PCDHGA11: variants seen among roughly 807,000 people sequenced by gnomAD.
The protein encoded by PCDHGA11 is protocadherin gamma-A11.
Under a neutral mutation model 60.4 loss-of-function variants are expected in PCDHGA11, and 39 were observed. The ratio of observed to expected loss-of-function variants is 0.65; its 90% CI spans 0.50 to 0.84. The LOEUF (loss-of-function observed/expected upper bound fraction) is 0.84, where lower values mean the gene tolerates loss of function less well. PCDHGA11 is among the 40% of genes least tolerant of loss of function. The probability of loss-of-function intolerance (pLI) is 0.00; values close to 1 mark genes in which losing one functional copy is unlikely to be tolerated. For synonymous variants in PCDHGA11, 533 were observed against 510.3 expected (o/e 1.04, Z -0.60); for missense variants, 1,165 against 1,197.7 (o/e 0.97, Z 0.40).
At position 141,491,623 on chromosome 5, in the gene PCDHGA11, G is replaced by A. The variant is rs767724749; in HGVS notation, c.2434-3184G>A. The A allele has an allele frequency of 3.7e-6, 6 of 1,613,812 alleles. No homozygotes were observed. The highest frequency in any genetic ancestry group is 2.7e-5 in the African/African-American group (2 of 74,938). On this transcript the variant is annotated intron_variant, in intron 1 of 3. Transcript: ENST00000398587. This position sits in a 1 kb window ranked among gnomAD's most constrained non-coding sequence, Gnocchi z 6.9. ...CTTCACTTTTCTAAGACCCCTCAGC[G>A]TTCAGCAGCCCACAGCTCTGGCGCT...
intron 1 of PCDHGA11, among the ~76,000 whole-genome samples, chr5:141,479,935 A>C (rs1226362422): frequency 1.3e-5 from 2 of 152,232 alleles, no homozygotes. Context: ...CATCATTGCT[A>C]TCAACTCTTG....
At position 141,503,992 on chromosome 5, in the gene PCDHGA11, A is replaced by G. The variant is rs1419698681; in HGVS notation, c.2493-1401A>G. 2.6e-5 allele frequency among the ~76,000 whole-genome samples: 4 copies of G among 152,116 alleles called. No homozygotes were observed. In the East Asian group the frequency reaches 7.7e-4, roughly 29 times the overall value. ...GGTGCCAAACCCTTCTTCTTACCTTACAGTCACTTAACTGTCTCTGCTGGT... is the reference window on the plus strand; with the variant it reads ...GGTGCCAAACCCTTCTTCTTACCTTGCAGTCACTTAACTGTCTCTGCTGGT... On this transcript the variant is annotated intron_variant, in intron 2 of 3. Transcript: ENST00000398587.
In PCDHGA11 at chr5:141,422,749, A is replaced by G. The variant is rs202046219; in HGVS notation, c.1522A>G (p.Ile508Val). Reference sequence around the variant, plus strand: ...GGTGCCTCTGTCCTCCTATGTCTCTATTAACTCCAACACTGGTGTTCTCTA... The same window carrying G: ...GGTGCCTCTGTCCTCCTATGTCTCTGTTAACTCCAACACTGGTGTTCTCTA... The part of the protein sequence containing the change: ...QGVPLSSYVS[I>V]NSNTGVLYAL... Residue 508 changes from isoleucine (I) to valine (V), a missense_variant, in exon 1 of 4, where the codon ATT (isoleucine) becomes GTT (valine). Coordinates refer to ENST00000398587, the MANE Select transcript of PCDHGA11 (RefSeq NM_018914.3). 269 of 1,611,644 alleles carry G rather than the reference A, an allele frequency of 1.7e-4. 1 individual carries two copies. The African/African-American group carries it at 3.3e-3, about 20-fold the overall frequency.
Position 141,491,019 on chromosome 5 carries a change from A to G in PCDHGA11, c.2434-3788A>G. 5 of 1,614,116 alleles carry G rather than the reference A, an allele frequency of 3.1e-6. No individual in the cohort carries two copies. The highest frequency in any genetic ancestry group is 4.2e-6 in the Non-Finnish European group (5 of 1,180,026). ...CTGGCTCCTTGGTCACCAAGGTGAC[A>G]GCCGTGGATGCTGATGCAGGCCACA... On this transcript the variant is annotated intron_variant, in intron 1 of 3. Coordinates refer to ENST00000398587, the MANE Select transcript of PCDHGA11 (RefSeq NM_018914.3). This position sits in a 1 kb window ranked among gnomAD's most constrained non-coding sequence, Gnocchi z 6.9.
Position 141,510,964 on chromosome 5 carries a change from T to C in PCDHGA11, c.2599T>C (p.Ser867Pro), listed in dbSNP as rs1237904575. 6.2e-7 allele frequency: 1 copy of C among 1,614,084 alleles called. No individual in the cohort carries two copies. Among genetic ancestry groups the C allele is most frequent in the South Asian group, 1.1e-5 (1 of 91,082 alleles). The change falls in exon 4 of 4, where the codon TCC becomes CCC. Residue 867 changes from serine to proline, a missense_variant. Coordinates refer to ENST00000398587, the MANE Select transcript of PCDHGA11 (RefSeq NM_018914.3). ...CTCTGCAGAAGCTGCTGATGGGAGC[T>C]CCACCCTGGGAGGGGGTGCCGGCAC... is the stretch of plus-strand genomic sequence containing the variant. The part of the protein sequence containing the change: ...ASASEAADGS[S>P]TLGGGAGTMG...
chr5:141,427,611 G>A (rs747386422), intron 1 of PCDHGA11: 22 of 691,570 alleles, frequency 3.2e-5, no homozygotes, highest in Non-Finnish European at 5.5e-5. Context: ...CATTGGTGAA[G>A]TCAACGACAA....
At chr5:141,497,354 A>G (rs1430368474) in intron 2 of PCDHGA11, among the ~76,000 whole-genome samples, 1 of 152,054 alleles carries the variant, frequency 6.6e-6, no homozygotes, top group Non-Finnish European at 1.5e-5. Flanking sequence ...AGCCCCACCA[A>G]CTGCCTCTCA....
In PCDHGA11 at chr5:141,489,461, A is replaced by G. The variant is rs1329676538; in HGVS notation, c.2434-5346A>G. 5.0e-6 allele frequency: 8 copies of G among 1,613,832 alleles called. No homozygotes were observed. The highest frequency in any genetic ancestry group is 6.8e-6 in the Non-Finnish European group (8 of 1,179,986). On this transcript the variant is annotated intron_variant, in intron 1 of 3. Transcript: ENST00000398587. This position sits in a 1 kb window ranked among gnomAD's most constrained non-coding sequence, Gnocchi z 4.5. ...TTGGGCTCTGAGGAGAATGGGCGCT[A>G]TTTTTCCCTGAGCTTGATGAGTGGT...
intron 1 of PCDHGA11, among the ~76,000 whole-genome samples, chr5:141,449,929 T>C (rs2098659723): frequency 6.6e-6 from 1 of 151,912 alleles, no homozygotes; most frequent in Non-Finnish European, 1.5e-5. Context: ...TACCATACCT[T>C]ATAGTATATT....
rs188953728 is a variant in PCDHGA11, at chr5:141,448,550, T to A, written c.2433+24890T>A. Among the ~76,000 whole-genome samples, 304 of 152,316 alleles carry A rather than the reference T, an allele frequency of 2.0e-3. 1 individual carries two copies. Among genetic ancestry groups the A allele is most frequent in the African/African-American group, 6.6e-3 (275 of 41,578 alleles). On this transcript the variant is annotated intron_variant, in intron 1 of 3. Transcript: ENST00000398587. ...CCTGTCAGCATTTCTTATGCAAATA[T>A]GTACATATATTTTTATTTCCCCATT...
At position 141,486,368 on chromosome 5, in the gene PCDHGA11, T is replaced by C. The variant is rs1217513529; in HGVS notation, c.2434-8439T>C. 6.2e-7 allele frequency: 1 copy of C among 1,614,014 alleles called. No homozygotes were observed. Among genetic ancestry groups the C allele is most frequent in the Non-Finnish European group, 8.5e-7 (1 of 1,180,000 alleles). On this transcript the variant is annotated intron_variant, in intron 1 of 3. Coordinates refer to ENST00000398587, the MANE Select transcript of PCDHGA11 (RefSeq NM_018914.3). This position sits in a 1 kb window ranked among gnomAD's most constrained non-coding sequence, Gnocchi z 5.0. ...TGACCACTTGCCATTTGCCCTCAAGTCTGCCTTCAGGAACCAGTTCTCCCT... is the reference window on the plus strand; with the variant it reads ...TGACCACTTGCCATTTGCCCTCAAGCCTGCCTTCAGGAACCAGTTCTCCCT...
At chr5:141,446,128 G>T (rs1242643475) in intron 1 of PCDHGA11, among the ~76,000 whole-genome samples, 1 of 152,188 alleles carries the variant, frequency 6.6e-6, no homozygotes, top group Admixed American at 6.5e-5. Context: ...GGTTCAATAA[G>T]ACTTAATAAT....
chr5:141,476,825 G>A lies in PCDHGA11; in HGVS notation c.2434-17982G>A. ...GCCTATTCACATCAAGGTGCTGGACGCGAATGACAATGCGCCTGTCTTCAA... is the reference window on the plus strand; with the variant it reads ...GCCTATTCACATCAAGGTGCTGGACACGAATGACAATGCGCCTGTCTTCAA... On this transcript the variant is annotated intron_variant, in intron 1 of 3. Transcript: ENST00000398587. The surrounding 1 kb of genome is among the most constrained non-coding windows in gnomAD (Gnocchi z 7.6). 6.2e-7 allele frequency: 1 copy of A among 1,613,554 alleles called. No individual in the cohort carries two copies. Among genetic ancestry groups the A allele is most frequent in the East Asian group, 2.2e-5 (1 of 44,870 alleles).
At chr5:141,508,267 C>G (rs993402135) in intron 3 of PCDHGA11, 5 of 152,336 alleles carry the variant, frequency 3.3e-5, no homozygotes, top group African/African-American at 9.6e-5. Context: ...AAGAGAAAAT[C>G]CCGGTCCTTG....
chr5:141,507,478 C>T (rs933478897), intron 3 of PCDHGA11, among the ~76,000 whole-genome samples: 5 of 152,158 alleles, frequency 3.3e-5, no homozygotes, highest in African/African-American at 1.2e-4. Flanking sequence ...GGACTGCTGG[C>T]CTCCTGAGGC....
chr5:141,436,902 G>A (rs2097852984), intron 1 of PCDHGA11, among the ~76,000 whole-genome samples: 1 of 152,210 alleles, frequency 6.6e-6, no homozygotes, highest in Admixed American at 6.5e-5. Flanking sequence ...TTTTATATGA[G>A]ACAATTTTGT....
Position 141,476,610 on chromosome 5 carries a change from G to A in PCDHGA11, c.2434-18197G>A, listed in dbSNP as rs769858609. ...GAGAGCGCGCACGATCCCGATGTGGGAAGCAACTCTTTACAAACCTATGAG... is the reference window on the plus strand; with the variant it reads ...GAGAGCGCGCACGATCCCGATGTGGAAAGCAACTCTTTACAAACCTATGAG... On this transcript the variant is annotated intron_variant, in intron 1 of 3. Coordinates refer to ENST00000398587, the MANE Select transcript of PCDHGA11 (RefSeq NM_018914.3). The surrounding 1 kb of genome is among the most constrained non-coding windows in gnomAD (Gnocchi z 7.6). The A allele has an allele frequency of 1.2e-6, 2 of 1,614,262 alleles. No homozygotes were observed. The highest frequency in any genetic ancestry group is 3.3e-5 in the Admixed American group (2 of 60,036).
chr5:141,486,654 T>C lies in PCDHGA11; in HGVS notation c.2434-8153T>C. ...TTGAATGCGCTTATCTCCTACTCAC[T>C]CCTGGAGCCCAGGAATCGAGATGTA... is the stretch of plus-strand genomic sequence containing the variant. On this transcript the variant is annotated intron_variant, in intron 1 of 3. Coordinates refer to ENST00000398587, the MANE Select transcript of PCDHGA11 (RefSeq NM_018914.3). The surrounding 1 kb of genome is among the most constrained non-coding windows in gnomAD (Gnocchi z 5.0). The C allele has an allele frequency of 2.5e-6, 4 of 1,613,922 alleles. No individual in the cohort carries two copies. Among genetic ancestry groups the C allele is most frequent in the Non-Finnish European group, 3.4e-6 (4 of 1,180,026 alleles).
intron 1 of PCDHGA11, among the ~76,000 whole-genome samples, chr5:141,482,899 T>C (rs1238389686): frequency 1.3e-5 from 2 of 152,076 alleles, no homozygotes; most frequent in Non-Finnish European, 2.9e-5. Context: ...TGGTGAAACC[T>C]CATCTCTATT....
Sources: allele counts gnomAD v4.1 joint callset (sites outside exome capture counted in the v4.1 genomes callset), GRCh38; gene constraint gnomAD v4.1.1; non-coding constraint Gnocchi (gnomAD v3.1); transcripts MANE v1.5; gene names NCBI Gene and HGNC (gene_info 2026-07-23, HGNC 2026-07-21).